The following CIC variants were observed in gnomAD, a reference collection of about 807,000 sequenced individuals.
CIC encodes the protein capicua transcriptional repressor.
A neutral mutation model predicts 115.7 loss-of-function variants in CIC; 18 were observed. That is an observed-to-expected ratio of 0.16 (90% CI 0.11 to 0.23). CIC has a LOEUF of 0.23. Ranked by LOEUF, CIC falls within the 10% of genes least tolerant of loss-of-function variation. CIC has a pLI of 1.00. For missense variants in CIC, 2,000 were observed against 2,159.3 expected (o/e 0.93, Z 1.46); for synonymous variants, 1,076 against 923.0 (o/e 1.17, Z -3.01).
chr19:42,290,398 G>A lies in CIC; in HGVS notation c.4357G>A (p.Ala1453Thr), dbSNP rs747162204. The A allele has an allele frequency of 4.3e-6, 7 of 1,613,868 alleles. No homozygotes were observed. In the African/African-American group the frequency reaches 9.4e-5, roughly 22 times the overall value. ...SSASSPASSS[A>T]SAATSFSLGS... ...TGCGTCCTCGCCTGCTTCCTCCTCA[G>A]CCTCGGCAGCCACCTCCTTCTCACT... Residue 1453 changes from alanine to threonine, a missense_variant, in exon 11 of 21, where the codon GCC becomes ACC. Coordinates refer to ENST00000681038, the MANE Select transcript of CIC (RefSeq NM_001386298.1).
chr19:42,295,381 G>C lies in CIC; in HGVS notation c.*190G>C, dbSNP rs2038445654. On this transcript the variant is annotated 3_prime_UTR_variant, in exon 21 of 21. Coordinates refer to ENST00000681038, the MANE Select transcript of CIC (RefSeq NM_001386298.1). ...CCTCCCGGTGCTGGGGGGCAGCTGA[G>C]GGGCTGCAGGGGCAGTCTCCCTCCT... 5.1e-6 allele frequency: 3 copies of C among 591,086 alleles called. No homozygotes were observed. Among genetic ancestry groups the C allele is most frequent in the South Asian group, 4.1e-5 (2 of 48,422 alleles). The allele number at this position is 591,086 out of a possible 1,614,324, so 36.6% of individuals were successfully genotyped here.
chr19:42,291,405 C>T lies in CIC; in HGVS notation c.5364C>T (p.Ala1788=). The change falls in exon 11 of 21, where the codon GCC becomes GCT. Residue 1788 remains alanine (A), a synonymous_variant. Coordinates refer to ENST00000681038, the MANE Select transcript of CIC (RefSeq NM_001386298.1). ...CCACCAACGGCAAAGTCCTGGCTGCCACTGCACCCACTCCTGGCATCCCCA... is the reference window on the plus strand; with the variant it reads ...CCACCAACGGCAAAGTCCTGGCTGCTACTGCACCCACTCCTGGCATCCCCA... ...GTSTNGKVLA[A]TAPTPGIPIL... 1.2e-6 allele frequency: 2 copies of T among 1,612,620 alleles called. No homozygotes were observed. Among genetic ancestry groups the T allele is most frequent in the South Asian group, 2.2e-5 (2 of 91,002 alleles).
chr19:42,293,264 A>C lies in CIC; in HGVS notation c.6505A>C (p.Lys2169Gln). ...ACCTGCTGAGGAGCGGACCAGCGCC[A>C]AGGGCCCTGAGACCATGGTGAGCGC... ...PPPAEERTSA[K>Q]GPETMASKFP... Residue 2169 changes from lysine (K) to glutamine (Q), a missense_variant, in exon 16 of 21, where the codon AAG becomes CAG. Lys to Gln is a moderately conservative substitution (Grantham distance 53). Coordinates refer to ENST00000681038, the MANE Select transcript of CIC (RefSeq NM_001386298.1). 6.3e-7 allele frequency: 1 copy of C among 1,581,026 alleles called. No homozygotes were observed. The highest frequency in any genetic ancestry group is 1.1e-5 in the South Asian group (1 of 87,064).
At chr19:42,284,119 C>G (rs2037417279) in intron 2 of CIC, 1 of 148,160 alleles carries the variant, frequency 6.7e-6, no homozygotes, top group South Asian at 2.1e-4. Flanking sequence ...CGGACGCACG[C>G]ACGCTGGTCC....
intron 2 of CIC, among the ~76,000 whole-genome samples, chr19:42,285,054 A>G (rs759530006): frequency 2.0e-5 from 3 of 152,048 alleles, no homozygotes; most frequent in South Asian, 2.1e-4. Flanking sequence ...GCTCTGGAGC[A>G]TGGGGTAGAA....
rs74439590 is a variant in CIC at position 42,292,330 on chromosome 19, C to T, written c.5766C>T (p.His1922=). Residue 1922 remains histidine (H), a synonymous_variant, in exon 14 of 21, where the codon CAC becomes CAT. Transcript: ENST00000681038. ...CCTATGTGCAGTCAGCGGGCGGGCA[C>T]GCGCTGCCCCTGGGTACCAGCCCTG... ...RITYVQSAGG[H]ALPLGTSPAS... is the part of the protein sequence containing the mutation. 18 of 1,613,114 alleles carry T rather than the reference C, an allele frequency of 1.1e-5. No homozygotes were observed. Among genetic ancestry groups the T allele is most frequent in the Middle Eastern group, 1.6e-4 (1 of 6,062 alleles).
chr19:42,286,090 C>T (rs10410129), intron 2 of CIC, among the ~76,000 whole-genome samples: 2,417 of 152,186 alleles, frequency 0.016, 61 homozygotes, highest in African/African-American at 0.054. Context: ...GCTGGGAGGC[C>T]GATTTCTGGA....
At chr19:42,290,081 T>C (rs987641170) in intron 10 of CIC, 130 bp downstream of exon 10, 18 of 1,395,692 alleles carry the variant, frequency 1.3e-5, no homozygotes, top group Non-Finnish European at 1.8e-5. Flanking sequence ...CCGTGGGGAG[T>C]TGGGTCATAG....
Position 42,291,609 on chromosome 19 carries a change from T to A in CIC, c.5477T>A (p.Leu1826Gln), listed in dbSNP as rs1268041206. 1 of 1,613,036 alleles carries A rather than the reference T, an allele frequency of 6.2e-7. No homozygotes were observed. Among genetic ancestry groups the A allele is most frequent in the East Asian group, 2.2e-5 (1 of 44,876 alleles). The change falls in exon 12 of 21, where the codon CTG (leucine) becomes CAG (glutamine). Residue 1826 changes from leucine to glutamine, a missense_variant. This residue lies in a region of CIC where 1,466 missense variants were observed against 1,390.4 expected (regional missense o/e 1.05). Coordinates refer to ENST00000681038, the MANE Select transcript of CIC (RefSeq NM_001386298.1). ...CCGCCCCCGGGTGGCTCAGCCCAGC[T>A]GCTGCCTGGGAAGGTCCTAGTGCCT... ...QAPPPGGSAQ[L>Q]LPGKVLVPLA... is the part of the protein sequence containing the mutation.
At position 42,291,429 on chromosome 19, in the gene CIC, C is replaced by T; in HGVS notation, c.5388C>T (p.Pro1796=). Residue 1796 remains proline, a synonymous_variant, in exon 11 of 21, where the codon CCC becomes CCT. Coordinates refer to ENST00000681038, the MANE Select transcript of CIC (RefSeq NM_001386298.1). ...CCACTGCACCCACTCCTGGCATCCC[C>T]ATCCTGCAGTCTGTACCCTCCGCCC... ...LAATAPTPGI[P]ILQSVPSAPP... 1 of 1,613,118 alleles carries T rather than the reference C, an allele frequency of 6.2e-7. No homozygotes were observed. Among genetic ancestry groups the T allele is most frequent in the Non-Finnish European group, 8.5e-7 (1 of 1,179,996 alleles).
Position 42,295,433 on chromosome 19 carries a change from G to A in CIC, c.*242G>A, listed in dbSNP as rs890705262. On this transcript the variant is annotated 3_prime_UTR_variant, in exon 21 of 21. Coordinates refer to ENST00000681038, the MANE Select transcript of CIC (RefSeq NM_001386298.1). Reference sequence around the variant, plus strand: ...CAAGCCCCTGTACATAACCTGGAGCGTGTGACCTTCAGAGCTTTTCACTTT... The same window carrying A: ...CAAGCCCCTGTACATAACCTGGAGCATGTGACCTTCAGAGCTTTTCACTTT... 1.2e-5 allele frequency: 6 copies of A among 514,516 alleles called. No homozygotes were observed. The highest frequency in any genetic ancestry group is 1.7e-5 in the Non-Finnish European group (5 of 289,748). The allele number at this position is 514,516 out of a possible 1,614,324, so 31.9% of individuals were successfully genotyped here.
intron 3 of CIC, 34 bp from the exon 4 acceptor site, chr19:42,286,972 C>T: frequency 6.2e-7 from 1 of 1,607,970 alleles, no homozygotes; most frequent in Non-Finnish European, 8.5e-7. Context: ...TCCAGGTGGC[C>T]TAGGAGCCCT....
chr19:42,294,851 G>T lies in CIC; in HGVS notation c.7214G>T (p.Arg2405Leu), dbSNP rs200799936. Reference protein sequence around the residue: ...SAQATAAFQARYADIFPSKVC... With the variant: ...SAQATAAFQALYADIFPSKVC... ...CAGGCCACAGCCGCCTTCCAGGCCC[G>T]CTATGCAGACATCTTTCCCTCCAAG... Residue 2405 changes from arginine (R) to leucine (L), a missense_variant, in exon 21 of 21, where the codon CGC becomes CTC. By Grantham distance (102) the Arg-to-Leu change is moderately radical. Transcript: ENST00000681038. 6.2e-7 allele frequency: 1 copy of T among 1,601,352 alleles called. No homozygotes were observed. Among genetic ancestry groups the T allele is most frequent in the Non-Finnish European group, 8.5e-7 (1 of 1,179,960 alleles).
At chr19:42,281,318 C>T (rs983848586) in intron 2 of CIC, among the ~76,000 whole-genome samples, 1 of 152,200 alleles carries the variant, frequency 6.6e-6, no homozygotes, top group Non-Finnish European at 1.5e-5. Context: ...GTCTGCCTGT[C>T]CCTCGGTCTG....
At position 42,286,759 on chromosome 19, in the gene CIC, T is replaced by C. The variant is rs371303679; in HGVS notation, c.2795-12T>C. 11 of 1,613,852 alleles carry C rather than the reference T, an allele frequency of 6.8e-6. No individual in the cohort carries two copies. In the African/African-American group the frequency reaches 9.3e-5, roughly 14 times the overall value. ...TCTCCTGCTGCACAGCTCACCTGGC[T>C]CCTTTCCACAGTGTGGACGAATGTG... On this transcript the variant is annotated splice_polypyrimidine_tract_variant and intron_variant, in intron 2 of 20. Coordinates refer to ENST00000681038, the MANE Select transcript of CIC (RefSeq NM_001386298.1).
chr19:42,287,896 G>A lies in CIC; in HGVS notation c.3579G>A (p.Thr1193=), dbSNP rs182837634. 9.9e-6 allele frequency: 16 copies of A among 1,610,584 alleles called. No homozygotes were observed. In the East Asian group the frequency reaches 2.9e-4, roughly 29 times the overall value. The change falls in exon 7 of 21, where the codon ACG becomes ACA. Residue 1193 remains threonine, a synonymous_variant. Transcript: ENST00000681038. This position sits in a 1 kb window ranked among gnomAD's most constrained non-coding sequence, Gnocchi z 8.7. ...AGTCCAGCTCAGAGGCCAAGCCCAC[G>A]AGCCTGGGGCTGGCAGGAGGGCACA... ...RKKSSSEAKP[T]SLGLAGGHKE... is the part of the protein sequence containing the mutation.
chr19:42,287,303 C>G lies in CIC; in HGVS notation c.3180-17C>G. ...GCCAGAGACATGGCCCTCACTGTCC[C>G]TGCTGCCCCGCCGCAGCTTCCTCTC... On this transcript the variant is annotated splice_polypyrimidine_tract_variant and intron_variant, in intron 4 of 20. Transcript: ENST00000681038. This position sits in a 1 kb window ranked among gnomAD's most constrained non-coding sequence, Gnocchi z 8.7. 6.2e-7 allele frequency: 1 copy of G among 1,614,112 alleles called. No homozygotes were observed.
intron 2 of CIC, among the ~76,000 whole-genome samples, chr19:42,286,336 G>A (rs893376210): frequency 1.3e-5 from 2 of 152,158 alleles, no homozygotes; most frequent in African/African-American, 4.8e-5. Context: ...ATGAGGCCAA[G>A]GTGAGACGCT....
In CIC at chr19:42,272,787, G is replaced by A; in HGVS notation, c.1004G>A (p.Ser335Asn). The A allele has an allele frequency of 2.5e-6, 1 of 398,878 alleles. No individual in the cohort carries two copies. The allele number at this position is 398,878 out of a possible 1,614,324, so 24.7% of individuals were successfully genotyped here. Residue 335 changes from serine to asparagine, a missense_variant, in exon 2 of 21, where the codon AGC becomes AAC. By Grantham distance (46) the Ser-to-Asn change is conservative. Transcript: ENST00000681038. ...GAGGCTGTGTGGGTGGCCCGCTCCA[G>A]CCTACGCCTGCTGCGCCCCCCCTGG... ...PEEAVWVARS[S>N]LRLLRPPWEP...
Sources: gnomAD v4.1 joint callset for allele counts (sites outside exome capture counted in the v4.1 genomes callset) on GRCh38, gnomAD v4.1.1 for gene constraint, gnomAD v4.1.1 regional missense constraint, Gnocchi (gnomAD v3.1) non-coding constraint, MANE v1.5 for transcripts, NCBI Gene and HGNC (gene_info 2026-07-23, HGNC 2026-07-21) for gene names.